GRIA1: variants seen among roughly 807,000 people sequenced by gnomAD.
GRIA1 encodes glutamate ionotropic receptor AMPA type subunit 1.
GRIA1 carries 31 observed loss-of-function variants against 99.2 expected under a neutral mutation model. That is an observed-to-expected ratio of 0.31 (90% CI 0.23 to 0.42). The LOEUF (loss-of-function observed/expected upper bound fraction) is 0.42, where lower values mean the gene tolerates loss of function less well. Ranked by LOEUF, GRIA1 falls within the 10% of genes least tolerant of loss-of-function variation. The probability of loss-of-function intolerance (pLI) is 1.00; values close to 1 mark genes in which losing one functional copy is unlikely to be tolerated. For missense variants in GRIA1, 782 were observed against 1,157.5 expected (o/e 0.68, Z 4.71); for synonymous variants, 438 against 432.4 (o/e 1.01, Z -0.16).
intron 2 of GRIA1, among the ~76,000 whole-genome samples, chr5:153,572,790 T>G (rs1371591543): frequency 3.3e-5 from 5 of 152,216 alleles, no homozygotes; most frequent in South Asian, 2.1e-4. Flanking sequence ...AGAGGCTGCT[T>G]CTTCTTCAAA....
Position 153,686,290 on chromosome 5 carries a change from G to A in GRIA1, c.1095G>A (p.Thr365=), listed in dbSNP as rs200975407. The change falls in exon 8 of 16, where the codon ACG becomes ACA. Residue 365 remains threonine (T), a synonymous_variant. Transcript: ENST00000285900. ...AGAAAGGACGCCGGACCAACTACAC[G>A]CTCCACGTGATTGAAATGAAACATG... ...FNEKGRRTNY[T]LHVIEMKHDG... 2.4e-5 allele frequency: 39 copies of A among 1,613,788 alleles called. No homozygotes were observed. Among genetic ancestry groups the A allele is most frequent in the Admixed American group, 3.3e-5 (2 of 60,000 alleles).
At chr5:153,680,624 G>A (rs10054958) in intron 7 of GRIA1, among the ~76,000 whole-genome samples, 22,386 of 152,044 alleles carry the variant, frequency 0.15, 1,775 homozygotes, top group South Asian at 0.19. Flanking sequence ...CATCCCTCTT[G>A]GTCTTTGTTT....
intron 8 of GRIA1, among the ~76,000 whole-genome samples, chr5:153,686,633 G>T (rs1757359750): frequency 6.6e-6 from 1 of 152,202 alleles, no homozygotes; most frequent in South Asian, 2.1e-4. Context: ...TAATTGATGT[G>T]TATAAAATGC....
intron 11 of GRIA1, among the ~76,000 whole-genome samples, chr5:153,712,133 C>T (rs549432680): frequency 2.0e-5 from 3 of 152,252 alleles, no homozygotes; most frequent in African/African-American, 7.2e-5. Flanking sequence ...TTCACTGTAA[C>T]CTCCACCTCC....
chr5:153,770,041 T>C (rs1038610927), intron 12 of GRIA1, 127 bp from the exon 13 acceptor site: 2 of 909,162 alleles, frequency 2.2e-6, no homozygotes, highest in Non-Finnish European at 1.7e-6. Context: ...TCACTCATAA[T>C]TTGTTTCTTC....
chr5:153,589,430 CT>C (rs768196676), intron 2 of GRIA1, among the ~76,000 whole-genome samples: 59 of 152,088 alleles, frequency 3.9e-4, no homozygotes, highest in Non-Finnish European at 7.4e-4. Flanking sequence ...ACTTTAAAAA[CT>C]CAACAAATTT....
chr5:153,548,600 T>C (rs1361443961), intron 2 of GRIA1, among the ~76,000 whole-genome samples: 2 of 152,146 alleles, frequency 1.3e-5, no homozygotes, highest in African/African-American at 4.8e-5. Context: ...GTTTAGCCAG[T>C]TGTTGGTCAG....
Position 153,740,815 on chromosome 5 carries a change from G to T in GRIA1, c.1824-23619G>T, listed in dbSNP as rs529238880. 2.6e-5 allele frequency among the ~76,000 whole-genome samples: 4 copies of T among 152,248 alleles called. No homozygotes were observed. In the East Asian group the frequency reaches 5.8e-4, roughly 22 times the overall value. On this transcript the variant is annotated intron_variant, in intron 11 of 15. Transcript: ENST00000285900. Reference sequence around the variant, plus strand: ...AAGAGCCAGTATGTATGTCACTGGGGATGTTCCAGATGGCAGTTTCTCTGT... The same window carrying T: ...AAGAGCCAGTATGTATGTCACTGGGTATGTTCCAGATGGCAGTTTCTCTGT...
intron 5 of GRIA1, among the ~76,000 whole-genome samples, chr5:153,673,572 C>T (rs1756354781): frequency 6.6e-6 from 1 of 152,214 alleles, no homozygotes. Context: ...CAATGCCTAA[C>T]AGAGGCCCTT....
chr5:153,700,716 C>T (rs568126733), intron 10 of GRIA1, among the ~76,000 whole-genome samples: 13 of 152,086 alleles, frequency 8.5e-5, no homozygotes, highest in African/African-American at 3.1e-4. Flanking sequence ...CATGCCAAGC[C>T]CCAGGTCAAT....
chr5:153,498,395 T>A (rs1436715617), intron 2 of GRIA1, among the ~76,000 whole-genome samples: 1 of 152,220 alleles, frequency 6.6e-6, no homozygotes, highest in African/African-American at 2.4e-5. Flanking sequence ...CATGTATATC[T>A]ATAGTTTAGT....
At chr5:153,580,958 CATCTT>C (rs911125316) in intron 2 of GRIA1, among the ~76,000 whole-genome samples, 4 of 152,176 alleles carry the variant, frequency 2.6e-5, no homozygotes, top group African/African-American at 9.7e-5. Flanking sequence ...TTTGGAAAGA[CATCTT>C]ATGACAGCTT....
At chr5:153,698,736 G>T in intron 9 of GRIA1, 131 bp from the exon 10 acceptor site, 1 of 658,614 alleles carries the variant, frequency 1.5e-6, no homozygotes, top group Non-Finnish European at 2.8e-6. Context: ...AAGACATTTA[G>T]GAAGTGAATT....
chr5:153,693,388 G>A (rs1395636071), intron 8 of GRIA1, among the ~76,000 whole-genome samples: 1 of 152,128 alleles, frequency 6.6e-6, no homozygotes, highest in Non-Finnish European at 1.5e-5. Flanking sequence ...AAGAATGCTT[G>A]GGAGTCAGCT....
chr5:153,527,347 T>C (rs1222542765), intron 2 of GRIA1, among the ~76,000 whole-genome samples: 2 of 152,194 alleles, frequency 1.3e-5, no homozygotes, highest in Non-Finnish European at 2.9e-5. Flanking sequence ...AGTTACATCA[T>C]ATTAGGCAGA....
chr5:153,575,197 A>AGAGAGAGAG (rs1762425770), intron 2 of GRIA1, among the ~76,000 whole-genome samples: 1 of 147,660 alleles, frequency 6.8e-6, no homozygotes, highest in African/African-American at 2.5e-5. Context: ...TCAAGAGAGA[A>AGAGAGAGAG]AGAGAGAGAG....
At chr5:153,519,846 G>T (rs1252872234) in intron 2 of GRIA1, among the ~76,000 whole-genome samples, 1 of 152,076 alleles carries the variant, frequency 6.6e-6, no homozygotes, top group African/African-American at 2.4e-5. Flanking sequence ...TTACATTTTT[G>T]ACATTTTCAA....
At chr5:153,579,809 G>A (rs1285527499) in intron 2 of GRIA1, among the ~76,000 whole-genome samples, 1 of 152,018 alleles carries the variant, frequency 6.6e-6, no homozygotes, top group Non-Finnish European at 1.5e-5. Flanking sequence ...CCAAGTCACA[G>A]AGCTCCCTAG....
At position 153,566,320 on chromosome 5, in the gene GRIA1, T is replaced by TTTTTTTTTTTC. The variant is rs1554098080; in HGVS notation, c.220+72255_220+72256insTTTTTTTTTTC. On this transcript the variant is annotated intron_variant, in intron 2 of 15. Transcript: ENST00000285900. ...ATTCCCTGCCTTTTTTTTTTTTTTT[T>TTTTTTTTTTTC]CCAGAGACAGAGTCTCACTCTTGTC... 1.4e-5 allele frequency among the ~76,000 whole-genome samples: 2 copies of TTTTTTTTTTTC among 141,124 alleles called. 1 individual carries two copies. The highest frequency in any genetic ancestry group is 3.1e-5 in the Non-Finnish European group (2 of 64,858). The allele number at this position is 141,124 out of a possible 152,430, so 92.6% of individuals were successfully genotyped here.
Sources: gnomAD v4.1 joint callset for allele counts (sites outside exome capture counted in the v4.1 genomes callset) on GRCh38, gnomAD v4.1.1 for gene constraint, MANE v1.5 for transcripts, NCBI Gene and HGNC (gene_info 2026-07-23, HGNC 2026-07-21) for gene names.